The following MAML3 variants were observed in gnomAD, a reference collection of about 807,000 sequenced individuals.
The protein encoded by MAML3 is mastermind like transcriptional coactivator 3.
MAML3 carries 27 observed loss-of-function variants against 101.9 expected under a neutral mutation model. The observed-to-expected ratio is 0.27, with a 90% CI of 0.20 to 0.37. The LOEUF (loss-of-function observed/expected upper bound fraction) is 0.37. Among genes scored for constraint, MAML3 ranks in the 10% least tolerant of loss-of-function variants. The pLI is 1.00. For synonymous variants in MAML3, 501 were observed against 555.9 expected, an observed-to-expected ratio of 0.90 and a Z score of 1.39; for missense variants, 1,316 against 1,444.9, an observed-to-expected ratio of 0.91 and a Z score of 1.45.
Position 140,152,966 on chromosome 4 carries a change from C to G in MAML3, c.362G>C (p.Arg121Thr), listed in dbSNP as rs747441491. ...GGTGCCGGCGCCCGATTTCTTGGCC[C>G]TCTGCTCCAGGGTCCGCTGGTAGAG... ...VSLYQRTLEQ[R>T]AKKSGAGTGK... Residue 121 changes from arginine (R) to threonine (T), a missense_variant, in exon 1 of 5, where the codon AGG (arginine) becomes ACG (threonine). Coordinates refer to ENST00000509479, the MANE Select transcript of MAML3 (RefSeq NM_018717.5). The G allele has an allele frequency of 1.9e-6, 3 of 1,611,812 alleles. No individual in the cohort carries two copies. The highest frequency in any genetic ancestry group is 2.5e-6 in the Non-Finnish European group (3 of 1,179,158).
At chr4:139,762,851 C>A (rs536578519) in intron 2 of MAML3, among the ~76,000 whole-genome samples, 1 of 152,296 alleles carries the variant, frequency 6.6e-6, no homozygotes, top group Admixed American at 6.5e-5. Flanking sequence ...TGGCCAGGCA[C>A]AGCCCATGGA....
chr4:139,897,567 G>A (rs539107707), intron 1 of MAML3, among the ~76,000 whole-genome samples: 12 of 152,084 alleles, frequency 7.9e-5, no homozygotes, highest in Non-Finnish European at 1.6e-4. Context: ...ATGAATTTTA[G>A]TCTCATCTTC....
At position 139,805,967 on chromosome 4, in the gene MAML3, T is replaced by C. The variant is rs542816988; in HGVS notation, c.2080-75300A>G. Among the ~76,000 whole-genome samples the C allele has an allele frequency of 9.2e-5, 14 of 152,138 alleles. No homozygotes were observed. The East Asian group carries it at 2.1e-3, about 23-fold the overall frequency. On this transcript the variant is annotated intron_variant, in intron 2 of 4. Coordinates refer to ENST00000509479, the MANE Select transcript of MAML3 (RefSeq NM_018717.5). Reference sequence around the variant, plus strand: ...GGAAAGATTATGAAATAGACAAGAATAAGGGGGGATATCTGAAGTTAGATT... The same window carrying C: ...GGAAAGATTATGAAATAGACAAGAACAAGGGGGGATATCTGAAGTTAGATT...
rs1320886484 is a variant in MAML3, at chr4:140,083,752, G to T, written c.468+69108C>A. On this transcript the variant is annotated intron_variant, in intron 1 of 4. Transcript: ENST00000509479. ...ATGTTTTGCCAACAGCAGGGTCTGG[G>T]TATTTTATTTTGTTTTAGATCCACT... 5.3e-5 allele frequency among the ~76,000 whole-genome samples: 8 copies of T among 152,100 alleles called. No individual in the cohort carries two copies. In the East Asian group the frequency reaches 1.5e-3, roughly 29 times the overall value.
At chr4:140,151,998 C>A (rs561054536) in intron 1 of MAML3, among the ~76,000 whole-genome samples, 31 of 152,206 alleles carry the variant, frequency 2.0e-4, no homozygotes, top group Non-Finnish European at 4.1e-4. Context: ...TCCGTGCACG[C>A]AAGTTTAAAA....
At chr4:139,885,437 T>C (rs182076116) in intron 2 of MAML3, among the ~76,000 whole-genome samples, 13 of 151,904 alleles carry the variant, frequency 8.6e-5, no homozygotes, top group Non-Finnish European at 1.8e-4. Context: ...ATAAATACAG[T>C]GATGGATGCC....
rs886838650 is a variant in MAML3, at chr4:139,812,311, G to A, written c.2079+77046C>T. 5.9e-5 allele frequency among the ~76,000 whole-genome samples: 9 copies of A among 152,200 alleles called. No individual in the cohort carries two copies. In the East Asian group the frequency reaches 1.7e-3, roughly 29 times the overall value. ...ACTAGGTACCTCTGATGATGAAGGT[G>A]CACATGGGGCTAAAACACAGTACGA... On this transcript the variant is annotated intron_variant, in intron 2 of 4. Coordinates refer to ENST00000509479, the MANE Select transcript of MAML3 (RefSeq NM_018717.5).
Position 139,717,571 on chromosome 4 carries a change from C to G in MAML3, c.*1752G>C, listed in dbSNP as rs533108928. 1 of 152,294 alleles carries G rather than the reference C, an allele frequency of 6.6e-6. No individual in the cohort carries two copies. Among genetic ancestry groups the G allele is most frequent in the Non-Finnish European group, 1.5e-5 (1 of 68,128 alleles). 9.4% of individuals were successfully genotyped at this position (152,294 alleles called of 1,614,324 possible). ...CTGAGCAGCTCTACAACCCCGGGTA[C>G]GCGGAGAGCAAGTCAAAGGCAATGT... is the stretch of plus-strand genomic sequence containing the variant. On this transcript the variant is annotated 3_prime_UTR_variant, in exon 5 of 5. Transcript: ENST00000509479.
At chr4:140,115,890 A>G (rs748696803) in intron 1 of MAML3, among the ~76,000 whole-genome samples, 2 of 152,220 alleles carry the variant, frequency 1.3e-5, no homozygotes, top group African/African-American at 4.8e-5. Context: ...GAAACTGAAA[A>G]TGAAAATGTC....
chr4:139,774,570 A>G (rs542786407), intron 2 of MAML3, among the ~76,000 whole-genome samples: 2 of 152,332 alleles, frequency 1.3e-5, no homozygotes, highest in African/African-American at 4.8e-5. Flanking sequence ...ATGGCTAAGT[A>G]TAATTGTGTG....
At chr4:139,964,041 C>T (rs1237526973) in intron 1 of MAML3, among the ~76,000 whole-genome samples, 1 of 152,096 alleles carries the variant, frequency 6.6e-6, no homozygotes, top group Non-Finnish European at 1.5e-5. Flanking sequence ...GCCACCGCAC[C>T]CACTGAAAAA....
intron 2 of MAML3, among the ~76,000 whole-genome samples, chr4:139,738,502 C>G (rs1264579423): frequency 6.6e-6 from 1 of 152,166 alleles, no homozygotes; most frequent in Non-Finnish European, 1.5e-5. Context: ...GAGATTGCAC[C>G]ACTGCACTCC....
At chr4:140,052,670 G>A (rs149737188) in intron 1 of MAML3, among the ~76,000 whole-genome samples, 278 of 151,864 alleles carry the variant, frequency 1.8e-3, no homozygotes, top group African/African-American at 6.2e-3. Flanking sequence ...GAGTAGCTGG[G>A]ATTACAGGCA....
intron 1 of MAML3, among the ~76,000 whole-genome samples, chr4:139,892,271 ACCCAAAC>A (rs1560827670): frequency 6.6e-6 from 1 of 152,202 alleles, no homozygotes; most frequent in Non-Finnish European, 1.5e-5. Context: ...ATCCTTTGTT[ACCCAAAC>A]CAGATCCTCA....
chr4:140,073,516 G>A (rs1727699808), intron 1 of MAML3, among the ~76,000 whole-genome samples: 1 of 151,978 alleles, frequency 6.6e-6, no homozygotes, highest in African/African-American at 2.4e-5. Context: ...CTGGTGTTTT[G>A]ATCTTTCTCC....
chr4:140,092,664 A>G (rs1243831378), intron 1 of MAML3, among the ~76,000 whole-genome samples: 2 of 152,192 alleles, frequency 1.3e-5, no homozygotes, highest in Non-Finnish European at 2.9e-5. Context: ...GGCCCAGTCG[A>G]CAGCAGAACA....
chr4:139,909,792 A>G (rs1560833045), intron 1 of MAML3, among the ~76,000 whole-genome samples: 1 of 129,036 alleles, frequency 7.7e-6, no homozygotes, highest in African/African-American at 3.0e-5. Flanking sequence ...AGCCGAGATC[A>G]CCCCACTGCA....
At chr4:139,755,779 G>A (rs183514361) in intron 2 of MAML3, among the ~76,000 whole-genome samples, 98 of 152,262 alleles carry the variant, frequency 6.4e-4, no homozygotes, top group Non-Finnish European at 1.2e-3. Context: ...AAGAGTGTAG[G>A]AAGTTCTACC....
chr4:140,044,353 T>C (rs1389508454), intron 1 of MAML3, among the ~76,000 whole-genome samples: 2 of 152,164 alleles, frequency 1.3e-5, no homozygotes, highest in Non-Finnish European at 2.9e-5. Context: ...TGCTTCAACA[T>C]GGGGAATGAA....
Sources: allele counts gnomAD v4.1 joint callset (sites outside exome capture counted in the v4.1 genomes callset), GRCh38; gene constraint gnomAD v4.1.1; transcripts MANE v1.5; gene names NCBI Gene and HGNC (gene_info 2026-07-23, HGNC 2026-07-21).